SPHKAP: variants seen among roughly 807,000 people sequenced by gnomAD.
The protein encoded by SPHKAP is A-kinase anchor protein SPHKAP.
In SPHKAP, 67 loss-of-function variants were observed where a neutral mutation model predicts 137.5. The observed-to-expected ratio is 0.49, with a 90% CI of 0.40 to 0.60. The LOEUF (loss-of-function observed/expected upper bound fraction) is 0.60. Among genes scored for constraint, SPHKAP ranks in the 20% least tolerant of loss-of-function variants. The pLI, the probability that SPHKAP is intolerant of heterozygous loss-of-function variation, is 0.00. For missense variants in SPHKAP, 2,097 were observed against 2,069.3 expected, an observed-to-expected ratio of 1.01 and a Z score of -0.26; for synonymous variants, 813 against 785.3, an observed-to-expected ratio of 1.04 and a Z score of -0.59.
At chr2:228,079,029 C>T (rs1697275219) in intron 3 of SPHKAP, among the ~76,000 whole-genome samples, 1 of 152,112 alleles carries the variant, frequency 6.6e-6, no homozygotes, top group Admixed American at 6.5e-5. Context: ...ACGGCCACAG[C>T]AGTGATCCCC....
chr2:227,991,457 T>C, intron 9 of SPHKAP, 131 bp from the exon 10 acceptor site: 1 of 1,538,826 alleles, frequency 6.5e-7, no homozygotes, highest in Admixed American at 2.0e-5. Context: ...TTTTGTAGAG[T>C]AGAGTAATGC....
rs1398644822 is a variant in SPHKAP, at chr2:228,018,760, T to A, written c.2094A>T (p.Ser698=). The A allele has an allele frequency of 1.9e-6, 3 of 1,614,110 alleles. No homozygotes were observed. The highest frequency in any genetic ancestry group is 2.5e-6 in the Non-Finnish European group (3 of 1,180,050). ...MIIDPNDNRH[S]SEILDTLMES... ...CCATTAAGGTGTCCAGAATTTCAGA[T>A]GAATGCCTGTTGTCATTGGGGTCGA... Residue 698 remains serine, a synonymous_variant, in exon 7 of 12, where the codon TCA becomes TCT. Transcript: ENST00000392056.
intron 3 of SPHKAP, among the ~76,000 whole-genome samples, chr2:228,105,988 C>T (rs1443361003): frequency 4.6e-5 from 7 of 152,172 alleles, no homozygotes; most frequent in African/African-American, 1.7e-4. Context: ...TCCTGGATAG[C>T]GGTTCCTGTT....
chr2:228,164,204 A>G (rs1700355254), intron 1 of SPHKAP, among the ~76,000 whole-genome samples: 1 of 148,438 alleles, frequency 6.7e-6, no homozygotes, highest in African/African-American at 2.5e-5. Flanking sequence ...GGACCCTTGG[A>G]CTTAACACCA....
chr2:228,125,632 A>G (rs4312486), intron 2 of SPHKAP, among the ~76,000 whole-genome samples: 52,012 of 152,100 alleles, frequency 0.34, 9,176 homozygotes, highest in East Asian at 0.5. Flanking sequence ...CCTGGAGATA[A>G]CAGTTTTTTT....
rs538890294 is a variant in SPHKAP, at chr2:228,036,496, C to T, written c.247-8953G>A. Among the ~76,000 whole-genome samples, 6 of 152,300 alleles carry T rather than the reference C, an allele frequency of 3.9e-5. No homozygotes were observed. The East Asian group carries it at 1.2e-3, about 29-fold the overall frequency. ...GTGTCCATTCCTCAGGGATCTAGAACTAGAAATACCATTTGACTCAGCCAT... is the reference window on the plus strand; with the variant it reads ...GTGTCCATTCCTCAGGGATCTAGAATTAGAAATACCATTTGACTCAGCCAT... On this transcript the variant is annotated intron_variant, in intron 3 of 11. Transcript: ENST00000392056.
chr2:228,047,889 G>A (rs1278785924), intron 3 of SPHKAP, among the ~76,000 whole-genome samples: 1 of 152,144 alleles, frequency 6.6e-6, no homozygotes, highest in Non-Finnish European at 1.5e-5. Context: ...TCTAAGATAT[G>A]GAAATTCAGA....
At chr2:228,105,577 G>A (rs1045028518) in intron 3 of SPHKAP, among the ~76,000 whole-genome samples, 1 of 152,174 alleles carries the variant, frequency 6.6e-6, no homozygotes, top group African/African-American at 2.4e-5. Flanking sequence ...TGGTTTGTGT[G>A]TGTCCCCACC....
At chr2:228,105,545 GT>G (rs1698313733) in intron 3 of SPHKAP, among the ~76,000 whole-genome samples, 3 of 152,174 alleles carry the variant, frequency 2.0e-5, no homozygotes, top group South Asian at 4.1e-4. Context: ...CATAAGCACA[GT>G]TTTTATATTT....
At chr2:228,158,847 TCTAAA>T (rs1700188683) in intron 1 of SPHKAP, among the ~76,000 whole-genome samples, 1 of 152,198 alleles carries the variant, frequency 6.6e-6, no homozygotes, top group African/African-American at 2.4e-5. Flanking sequence ...GCCCAAATTA[TCTAAA>T]CTAAAGAAAA....
chr2:228,171,328 A>T (rs1243684550), intron 1 of SPHKAP, among the ~76,000 whole-genome samples: 1 of 152,120 alleles, frequency 6.6e-6, no homozygotes, highest in East Asian at 1.9e-4. Context: ...CTTCATCTGT[A>T]AAGGAAGGGG....
At chr2:228,118,708 G>A (rs1421010328) in intron 2 of SPHKAP, among the ~76,000 whole-genome samples, 1 of 151,976 alleles carries the variant, frequency 6.6e-6, no homozygotes, top group African/African-American at 2.4e-5. Context: ...GTATTAGTTA[G>A]ACTCTATATT....
chr2:228,117,300 A>G (rs1698743943), intron 2 of SPHKAP, among the ~76,000 whole-genome samples: 1 of 152,110 alleles, frequency 6.6e-6, no homozygotes, highest in African/African-American at 2.4e-5. Flanking sequence ...ATGAGACACA[A>G]ATTATTAATG....
At chr2:228,072,980 C>T (rs1259154614) in intron 3 of SPHKAP, among the ~76,000 whole-genome samples, 1 of 152,222 alleles carries the variant, frequency 6.6e-6, no homozygotes, top group African/African-American at 2.4e-5. Flanking sequence ...CTGAATTCCT[C>T]ATGCACAAAC....
chr2:228,060,268 T>A (rs942984929), intron 3 of SPHKAP, among the ~76,000 whole-genome samples: 2 of 152,164 alleles, frequency 1.3e-5, no homozygotes, highest in African/African-American at 2.4e-5. Context: ...GGGAAATTAT[T>A]AAACATAAAG....
chr2:228,091,403 A>C (rs1697725172), intron 3 of SPHKAP, among the ~76,000 whole-genome samples: 1 of 152,198 alleles, frequency 6.6e-6, no homozygotes, highest in African/African-American at 2.4e-5. Context: ...CAATGAAAAC[A>C]AAGATAAATA....
chr2:228,097,198 A>C (rs931276646), intron 3 of SPHKAP, among the ~76,000 whole-genome samples: 2 of 152,192 alleles, frequency 1.3e-5, no homozygotes, highest in African/African-American at 4.8e-5. Flanking sequence ...TAATTGCTAT[A>C]ATCACAGGAA....
intron 2 of SPHKAP, among the ~76,000 whole-genome samples, chr2:228,110,397 T>C: frequency 6.6e-6 from 1 of 152,150 alleles, no homozygotes; most frequent in Non-Finnish European, 1.5e-5. Context: ...ATTAATAAAT[T>C]TTCATCATTC....
At chr2:228,102,802 G>T (rs1698219784) in intron 3 of SPHKAP, among the ~76,000 whole-genome samples, 1 of 152,088 alleles carries the variant, frequency 6.6e-6, no homozygotes, top group East Asian at 1.9e-4. Context: ...GAGTGCAATG[G>T]TGTGATTATA....
Sources: gnomAD v4.1 joint callset for allele counts (sites outside exome capture counted in the v4.1 genomes callset) on GRCh38, gnomAD v4.1.1 for gene constraint, MANE v1.5 for transcripts, NCBI Gene and HGNC (gene_info 2026-07-23, HGNC 2026-07-21) for gene names.